Variants in MCC observed in about 807,000 individuals in gnomAD.
The protein encoded by MCC is colorectal mutant cancer protein.
In MCC, 90 loss-of-function variants were observed where a neutral mutation model predicts 116.2. The observed-to-expected ratio is 0.77, with a 90% CI of 0.65 to 0.92. The LOEUF (loss-of-function observed/expected upper bound fraction) is 0.92. Ranked by LOEUF, MCC falls within the 40% of genes least tolerant of loss-of-function variation. The probability of loss-of-function intolerance (pLI) is 0.00; values close to 1 mark genes in which losing one functional copy is unlikely to be tolerated. For synonymous variants in MCC, 578 were observed against 510.5 expected, an observed-to-expected ratio of 1.13 and a Z score of -1.78; for missense variants, 1,516 against 1,312.2, an observed-to-expected ratio of 1.16 and a Z score of -2.40.
intron 3 of MCC, among the ~76,000 whole-genome samples, chr5:113,282,837 T>C (rs7720414): frequency 0.13 from 19,689 of 152,250 alleles, 1,402 homozygotes; most frequent in Non-Finnish European, 0.17. Flanking sequence ...GTAACAGAGT[T>C]ACCTAATCTA....
chr5:113,468,966 G>C (rs1442276096), intron 1 of MCC, among the ~76,000 whole-genome samples: 1 of 152,164 alleles, frequency 6.6e-6, no homozygotes, highest in Admixed American at 6.5e-5. Context: ...TAGTTTATTT[G>C]CATAGAGGTG....
At chr5:113,308,715 G>C (rs916647753) in intron 3 of MCC, among the ~76,000 whole-genome samples, 15 of 152,100 alleles carry the variant, frequency 9.9e-5, no homozygotes, top group African/African-American at 3.6e-4. Flanking sequence ...GGACGCTGAA[G>C]TGGGAGGATT....
chr5:113,315,501 C>A (rs1266999627), intron 3 of MCC, among the ~76,000 whole-genome samples: 2 of 151,956 alleles, frequency 1.3e-5, no homozygotes, highest in South Asian at 4.2e-4. Flanking sequence ...CATAGAAAGT[C>A]GTTTGAATTA....
intron 3 of MCC, among the ~76,000 whole-genome samples, chr5:113,152,818 G>A (rs765653128): frequency 2.0e-5 from 3 of 151,738 alleles, no homozygotes; most frequent in African/African-American, 7.3e-5. Flanking sequence ...ATCAATAGCC[G>A]ATTTGAAATC....
intron 4 of MCC, among the ~76,000 whole-genome samples, chr5:113,151,090 A>ATT (rs1759837011): frequency 1.3e-5 from 2 of 152,188 alleles, no homozygotes; most frequent in Admixed American, 6.5e-5. Flanking sequence ...CTCGGTAGGC[A>ATT]CCTTGGACTT....
At position 113,134,307 on chromosome 5, in the gene MCC, A is replaced by G. The variant is rs578094404; in HGVS notation, c.884+8911T>C. ...CATATGGATATCCACTTTTCCCAGC[A>G]CCATTTATTGAAGAGACTGTTCTTT... On this transcript the variant is annotated intron_variant, in intron 5 of 18. Transcript: ENST00000408903. 4.6e-5 allele frequency among the ~76,000 whole-genome samples: 7 copies of G among 152,242 alleles called. No individual in the cohort carries two copies. The East Asian group carries it at 1.3e-3, about 29-fold the overall frequency.
At chr5:113,426,349 T>C (rs1435577763) in intron 1 of MCC, among the ~76,000 whole-genome samples, 1 of 152,284 alleles carries the variant, frequency 6.6e-6, no homozygotes, top group Non-Finnish European at 1.5e-5. Flanking sequence ...TAGGTCGTTG[T>C]CATCCTTCAA....
chr5:113,485,320 G>C lies in MCC; in HGVS notation c.170+2925C>G, dbSNP rs151119919. On this transcript the variant is annotated intron_variant, in intron 1 of 18. Coordinates refer to ENST00000408903, the MANE Select transcript of MCC (RefSeq NM_001085377.2). ...CTTGAATGTGGATTATCATGGGATGGGGGGTTTATTATAGGTATTAACCGC... is the reference window on the plus strand; with the variant it reads ...CTTGAATGTGGATTATCATGGGATGCGGGGTTTATTATAGGTATTAACCGC... Among the ~76,000 whole-genome samples, 364 of 152,256 alleles carry C rather than the reference G, an allele frequency of 2.4e-3. 1 individual carries two copies. The highest frequency in any genetic ancestry group is 3.8e-3 in the Non-Finnish European group (261 of 68,002).
intron 3 of MCC, among the ~76,000 whole-genome samples, chr5:113,159,077 C>T (rs570023634): frequency 2.2e-4 from 33 of 152,232 alleles, no homozygotes; most frequent in African/African-American, 7.9e-4. Context: ...CAGGGCAAGT[C>T]CTCCAATGCT....
chr5:113,268,966 T>C (rs1159011656), intron 3 of MCC, among the ~76,000 whole-genome samples: 2 of 152,172 alleles, frequency 1.3e-5, no homozygotes, highest in Non-Finnish European at 2.9e-5. Flanking sequence ...GGCTTTTTTT[T>C]CTTAAAGGTG....
intron 1 of MCC, 127 bp downstream of exon 1, chr5:113,488,118 G>C: frequency 3.0e-6 from 3 of 989,362 alleles, no homozygotes; most frequent in Non-Finnish European, 4.2e-6. Flanking sequence ...TCGGAGTCGC[G>C]GCCAACTTTT....
At chr5:113,350,281 C>T (rs999340846) in intron 2 of MCC, among the ~76,000 whole-genome samples, 2 of 152,040 alleles carry the variant, frequency 1.3e-5, no homozygotes, top group African/African-American at 4.8e-5. Context: ...AATCACAATA[C>T]CTGACTTCCA....
chr5:113,407,441 CTGCAAAAACTGCAA>C (rs1561555528), intron 1 of MCC, among the ~76,000 whole-genome samples: 1 of 152,142 alleles, frequency 6.6e-6, no homozygotes, highest in Non-Finnish European at 1.5e-5. Context: ...ACAACTGCAT[CTGCAAAAACTGCAA>C]AAACTGGGAC....
intron 17 of MCC, among the ~76,000 whole-genome samples, chr5:113,033,372 C>T (rs868512598): frequency 1.3e-5 from 2 of 152,186 alleles, no homozygotes; most frequent in Non-Finnish European, 2.9e-5. Context: ...ATTGCAAGCA[C>T]GGGGCTCACT....
intron 3 of MCC, among the ~76,000 whole-genome samples, chr5:113,256,116 T>C (rs574274773): frequency 5.3e-5 from 8 of 152,280 alleles, no homozygotes; most frequent in South Asian, 2.1e-4. Flanking sequence ...ACAAATTGAA[T>C]CCAAATGGAA....
chr5:113,179,476 A>C (rs948504064), intron 3 of MCC, among the ~76,000 whole-genome samples: 1 of 152,182 alleles, frequency 6.6e-6, no homozygotes, highest in Non-Finnish European at 1.5e-5. Context: ...AGGGAATGCA[A>C]AGGAAATTCT....
At chr5:113,431,945 A>T (rs1038604147) in intron 1 of MCC, among the ~76,000 whole-genome samples, 4 of 152,064 alleles carry the variant, frequency 2.6e-5, no homozygotes, top group African/African-American at 9.7e-5. Context: ...AGATCATCCT[A>T]GTCAACTTGG....
chr5:113,346,816 T>A (rs1768145527), intron 2 of MCC, among the ~76,000 whole-genome samples: 1 of 150,988 alleles, frequency 6.6e-6, no homozygotes. Flanking sequence ...GAAAGTATCA[T>A]AAAAGCAGCA....
chr5:113,383,214 T>C (rs1769167722), intron 2 of MCC, among the ~76,000 whole-genome samples: 1 of 152,214 alleles, frequency 6.6e-6, no homozygotes, highest in Non-Finnish European at 1.5e-5. Context: ...CTATATAGTA[T>C]GCAATTATTG....
Sources: gnomAD v4.1 joint callset for allele counts (sites outside exome capture counted in the v4.1 genomes callset) on GRCh38, gnomAD v4.1.1 for gene constraint, MANE v1.5 for transcripts, NCBI Gene and HGNC (gene_info 2026-07-23, HGNC 2026-07-21) for gene names.